Variants in AP1AR observed in about 807,000 individuals in gnomAD.
AP1AR encodes the protein AP-1 complex-associated regulatory protein.
In AP1AR, 29 loss-of-function variants were observed where a neutral mutation model predicts 46.3. That is an observed-to-expected ratio of 0.63 (90% CI 0.47 to 0.85). AP1AR has a LOEUF of 0.85. AP1AR is among the 40% of genes least tolerant of loss of function. AP1AR has a pLI of 0.00. For synonymous variants in AP1AR, 122 were observed against 122.9 expected (o/e 0.99, Z 0.05); for missense variants, 357 against 356.3 (o/e 1.00, Z -0.02).
rs1452003200 is a variant in AP1AR at position 112,272,994 on chromosome 4, A to G, written c.*4585A>G. 6.6e-6 allele frequency: 1 copy of G among 152,032 alleles called. No homozygotes were observed. Among genetic ancestry groups the G allele is most frequent in the East Asian group, 1.9e-4 (1 of 5,196 alleles). The allele number at this position is 152,032 out of a possible 1,614,324, so 9.4% of individuals were successfully genotyped here. On this transcript the variant is annotated 3_prime_UTR_variant, in exon 10 of 10. Coordinates refer to ENST00000274000, the MANE Select transcript of AP1AR (RefSeq NM_018569.6). ...GTTTTCCCATCTTCATTTATTTGGT[A>G]TTTCTGGTTAATTGTCTGACAGTAA...
At chr4:112,238,600 A>G (rs1369314877) in intron 1 of AP1AR, among the ~76,000 whole-genome samples, 1 of 152,212 alleles carries the variant, frequency 6.6e-6, no homozygotes, top group Non-Finnish European at 1.5e-5. Flanking sequence ...ACAGTAGTGC[A>G]TTTAAATGGA....
In AP1AR at chr4:112,270,818, T is replaced by G. The variant is rs1299688558; in HGVS notation, c.*2409T>G. 6.6e-6 allele frequency among the ~76,000 whole-genome samples: 1 copy of G among 152,210 alleles called. No individual in the cohort carries two copies. Among genetic ancestry groups the G allele is most frequent in the Middle Eastern group, 3.2e-3 (1 of 316 alleles). On this transcript the variant is annotated 3_prime_UTR_variant, in exon 10 of 10. Coordinates refer to ENST00000274000, the MANE Select transcript of AP1AR (RefSeq NM_018569.6). Reference sequence around the variant, plus strand: ...TAGACCAAGAATGAGTTTTATTTGATGTGTAATAGAAAGCCACTGAAATTT... The same window carrying G: ...TAGACCAAGAATGAGTTTTATTTGAGGTGTAATAGAAAGCCACTGAAATTT...
At position 112,268,405 on chromosome 4, in the gene AP1AR, G is replaced by A. The variant is rs746515200; in HGVS notation, c.905G>A (p.Arg302Gln). ...CATTCTGACACAGATCAACAGACTC[G>A]ATAGGGTAAAATTGTGTGACCTTGT... is the stretch of plus-strand genomic sequence containing the variant. ...IRHSDTDQQT[R>Q] Residue 302 changes from arginine to glutamine, a missense_variant, in exon 10 of 10, where the codon CGA becomes CAA. Arg to Gln is a conservative substitution (Grantham distance 43). Around this residue, in one of 2 missense-constraint regions of AP1AR, gnomAD observed 88 missense variants for 132.7 expected, o/e 0.66. Transcript: ENST00000274000. The A allele has an allele frequency of 2.6e-5, 41 of 1,586,078 alleles. No homozygotes were observed. The highest frequency in any genetic ancestry group is 3.3e-5 in the Non-Finnish European group (39 of 1,165,652).
At chr4:112,247,471 T>C (rs193223607) in intron 1 of AP1AR, among the ~76,000 whole-genome samples, 35 of 152,310 alleles carry the variant, frequency 2.3e-4, no homozygotes, top group African/African-American at 8.4e-4. Context: ...TCAAGGCATC[T>C]AAAAACACAA....
intron 1 of AP1AR, among the ~76,000 whole-genome samples, chr4:112,233,452 A>G (rs1725106824): frequency 6.6e-6 from 1 of 152,210 alleles, no homozygotes; most frequent in African/African-American, 2.4e-5. Context: ...TGGTTTAAGT[A>G]TTTATAATTT....
chr4:112,270,720 C>T lies in AP1AR; in HGVS notation c.*2311C>T, dbSNP rs1726913809. On this transcript the variant is annotated 3_prime_UTR_variant, in exon 10 of 10. Coordinates refer to ENST00000274000, the MANE Select transcript of AP1AR (RefSeq NM_018569.6). ...AAAAAGACCACTGGGAATGAAGCAT[C>T]ATGAGTGAGGGGGAAGAGTGGTATG... Among the ~76,000 whole-genome samples the T allele has an allele frequency of 2.0e-5, 3 of 152,158 alleles. 1 individual carries two copies. Among genetic ancestry groups the T allele is most frequent in the South Asian group, 4.2e-4 (2 of 4,816 alleles).
intron 1 of AP1AR, among the ~76,000 whole-genome samples, chr4:112,249,514 G>A (rs902526776): frequency 1.8e-4 from 28 of 151,854 alleles, no homozygotes; most frequent in African/African-American, 4.8e-4. Context: ...AAAATTAGCC[G>A]GGTGTGGTGG....
At chr4:112,236,138 C>T (rs1168469640) in intron 1 of AP1AR, among the ~76,000 whole-genome samples, 1 of 151,554 alleles carries the variant, frequency 6.6e-6, no homozygotes, top group Non-Finnish European at 1.5e-5. Flanking sequence ...TGGATATATT[C>T]AATTAAATCT....
intron 7 of AP1AR, among the ~76,000 whole-genome samples, chr4:112,265,523 G>C (rs2110493673): frequency 6.6e-6 from 1 of 151,966 alleles, no homozygotes; most frequent in African/African-American, 2.4e-5. Flanking sequence ...TTGGAGATTG[G>C]ACTTCAGGAT....
Position 112,271,213 on chromosome 4 carries a change from T to C in AP1AR, c.*2804T>C, listed in dbSNP as rs549426320. 6.6e-6 allele frequency among the ~76,000 whole-genome samples: 1 copy of C among 152,292 alleles called. No individual in the cohort carries two copies. The highest frequency in any genetic ancestry group is 2.1e-4 in the South Asian group (1 of 4,816). On this transcript the variant is annotated 3_prime_UTR_variant, in exon 10 of 10. Transcript: ENST00000274000. Reference sequence around the variant, plus strand: ...AAACATCGTGATCCTCTCTGGATCCTCCATGGCAAGATAGGCCATCGTAAA... The same window carrying C: ...AAACATCGTGATCCTCTCTGGATCCCCCATGGCAAGATAGGCCATCGTAAA...
At chr4:112,248,865 G>A (rs1002310943) in intron 1 of AP1AR, among the ~76,000 whole-genome samples, 9 of 152,142 alleles carry the variant, frequency 5.9e-5, no homozygotes, top group Non-Finnish European at 1.3e-4. Context: ...TTGCCTCAGA[G>A]CGTTTGCTTT....
At chr4:112,253,327 A>T (rs1726043384) in intron 2 of AP1AR, 71 bp downstream of exon 2, 2 of 1,199,264 alleles carry the variant, frequency 1.7e-6, no homozygotes, top group South Asian at 2.6e-5. Context: ...TGTTGTAAAG[A>T]GGGAAAGATC....
At chr4:112,233,682 G>A (rs1725118001) in intron 1 of AP1AR, among the ~76,000 whole-genome samples, 1 of 152,184 alleles carries the variant, frequency 6.6e-6, no homozygotes, top group African/African-American at 2.4e-5. Context: ...TGTGTCTGTG[G>A]ACTTTAGTTT....
intron 6 of AP1AR, 65 bp downstream of exon 6, chr4:112,263,151 T>C: frequency 8.0e-7 from 1 of 1,245,982 alleles, no homozygotes; most frequent in Non-Finnish European, 1.1e-6. Flanking sequence ...TGACAAATCT[T>C]AGTTGGGACT....
In AP1AR at chr4:112,271,280, G is replaced by A. The variant is rs897316663; in HGVS notation, c.*2871G>A. ...CATTTATCTTGCAAAATACCTCCCT[G>A]TCTTGCAAAAGGCTGCCGTGAGGCA... is the stretch of plus-strand genomic sequence containing the variant. On this transcript the variant is annotated 3_prime_UTR_variant, in exon 10 of 10. Transcript: ENST00000274000. Among the ~76,000 whole-genome samples the A allele has an allele frequency of 7.2e-5, 11 of 152,336 alleles. No individual in the cohort carries two copies. The highest frequency in any genetic ancestry group is 2.6e-4 in the African/African-American group (11 of 41,562).
At chr4:112,244,465 G>A (rs532443234) in intron 1 of AP1AR, among the ~76,000 whole-genome samples, 2 of 152,294 alleles carry the variant, frequency 1.3e-5, no homozygotes, top group African/African-American at 4.8e-5. Context: ...ACTTGAAGGT[G>A]AAGCTCAGTA....
rs115055846 is a variant in AP1AR, at chr4:112,237,711, A to G, written c.83+5537A>G. On this transcript the variant is annotated intron_variant, in intron 1 of 9. Transcript: ENST00000274000. Reference sequence around the variant, plus strand: ...TGAACTCAAGTGATCTGCATACCTCAGCCTCCCAAAGTGTTGGAATTACAG... The same window carrying G: ...TGAACTCAAGTGATCTGCATACCTCGGCCTCCCAAAGTGTTGGAATTACAG... Among the ~76,000 whole-genome samples, 1,083 of 148,952 alleles carry G rather than the reference A, an allele frequency of 7.3e-3. 14 individuals carry two copies. Among genetic ancestry groups the G allele is most frequent in the African/African-American group, 0.026 (1,032 of 40,438 alleles).
chr4:112,241,974 A>G (rs564767955), intron 1 of AP1AR, among the ~76,000 whole-genome samples: 1 of 152,306 alleles, frequency 6.6e-6, no homozygotes, highest in East Asian at 1.9e-4. Context: ...TCATTTATTT[A>G]TAGTGTCAAG....
At chr4:112,252,339 A>G (rs1725994953) in intron 1 of AP1AR, among the ~76,000 whole-genome samples, 1 of 152,230 alleles carries the variant, frequency 6.6e-6, no homozygotes, top group Non-Finnish European at 1.5e-5. Flanking sequence ...CTGATGATTT[A>G]AGAACACTTA....
Sources: gnomAD v4.1 joint callset for allele counts (sites outside exome capture counted in the v4.1 genomes callset) on GRCh38, gnomAD v4.1.1 for gene constraint, gnomAD v4.1.1 regional missense constraint, MANE v1.5 for transcripts, NCBI Gene and HGNC (gene_info 2026-07-23, HGNC 2026-07-21) for gene names.